Variants in RSPO2 observed in about 807,000 individuals in gnomAD.
RSPO2 encodes the protein R-spondin-2.
In RSPO2, 14 loss-of-function variants were observed where a neutral mutation model predicts 30.9. The ratio of observed to expected loss-of-function variants is 0.45; its 90% CI spans 0.30 to 0.71. The LOEUF is 0.71. Ranked by LOEUF, RSPO2 falls within the 30% of genes least tolerant of loss-of-function variation. RSPO2 has a pLI of 0.08. For synonymous variants in RSPO2, 107 were observed against 96.4 expected (o/e 1.11, Z -0.64); for missense variants, 264 against 301.9 (o/e 0.87, Z 0.93).
chr8:107,963,701 T>C (rs1425284313), intron 3 of RSPO2, among the ~76,000 whole-genome samples: 1 of 152,042 alleles, frequency 6.6e-6, no homozygotes, highest in Non-Finnish European at 1.5e-5. Context: ...TCCTTTATAA[T>C]TACATTTATG....
Position 107,982,965 on chromosome 8 carries a change from A to G in RSPO2, c.283+6091T>C, listed in dbSNP as rs926329993. Among the ~76,000 whole-genome samples the G allele has an allele frequency of 4.6e-5, 7 of 152,104 alleles. No individual in the cohort carries two copies. The East Asian group carries it at 9.7e-4, about 21-fold the overall frequency. ...TGTTTCCAACTTGTAATTAGTATAA[A>G]TAGTGTTGGCTCCCTCAGCGCCTAC... On this transcript the variant is annotated intron_variant, in intron 3 of 5. Coordinates refer to ENST00000276659, the MANE Select transcript of RSPO2 (RefSeq NM_178565.5).
chr8:107,937,151 G>GTTTTTTTTTTTT (rs149136012), intron 5 of RSPO2, among the ~76,000 whole-genome samples: 1 of 107,724 alleles, frequency 9.3e-6, no homozygotes, highest in Non-Finnish European at 2.1e-5. Flanking sequence ...TCCATCTTCA[G>GTTTTTTTTTTTT]TTGTTTTTTT....
intron 5 of RSPO2, among the ~76,000 whole-genome samples, chr8:107,941,518 T>C (rs570068153): frequency 7.8e-4 from 119 of 152,306 alleles, no homozygotes; most frequent in African/African-American, 2.4e-3. Context: ...GCTTCTTCTG[T>C]AAAATCCATT....
At chr8:108,059,600 C>T (rs949393512) in intron 2 of RSPO2, among the ~76,000 whole-genome samples, 5 of 148,638 alleles carry the variant, frequency 3.4e-5, no homozygotes, top group East Asian at 2.0e-4. Flanking sequence ...TTGGAACCAA[C>T]CCAAATGTCC....
At chr8:108,069,981 A>T (rs1275108027) in intron 2 of RSPO2, among the ~76,000 whole-genome samples, 1 of 152,380 alleles carries the variant, frequency 6.6e-6, no homozygotes, top group East Asian at 1.9e-4. Context: ...GGTATAACCC[A>T]TGCTGATTAT....
At chr8:107,951,043 G>GTT (rs767290459) in intron 5 of RSPO2, among the ~76,000 whole-genome samples, 4 of 85,894 alleles carry the variant, frequency 4.7e-5, no homozygotes, top group East Asian at 5.1e-4. Flanking sequence ...GGGAGAATAA[G>GTT]TTTTTTTTTG....
intron 3 of RSPO2, among the ~76,000 whole-genome samples, chr8:107,982,684 A>G (rs1814486443): frequency 6.6e-6 from 1 of 152,174 alleles, no homozygotes. Flanking sequence ...AACCATAGCA[A>G]TCAGAATAGC....
intron 5 of RSPO2, among the ~76,000 whole-genome samples, chr8:107,935,370 C>T (rs1346493811): frequency 6.6e-6 from 1 of 151,970 alleles, no homozygotes; most frequent in Non-Finnish European, 1.5e-5. Flanking sequence ...TAAATATTTA[C>T]CTTAGAATTT....
chr8:108,011,710 G>A lies in RSPO2; in HGVS notation c.95-22466C>T, dbSNP rs529855210. 1.3e-4 allele frequency among the ~76,000 whole-genome samples: 20 copies of A among 152,304 alleles called. No individual in the cohort carries two copies. The South Asian group carries it at 3.7e-3, about 28-fold the overall frequency. On this transcript the variant is annotated intron_variant, in intron 2 of 5. Coordinates refer to ENST00000276659, the MANE Select transcript of RSPO2 (RefSeq NM_178565.5). Reference sequence around the variant, plus strand: ...GAACAAAGTAGAATGTGTGCCGTTTGAACCACATGCATGGAATGTACAAGG... The same window carrying A: ...GAACAAAGTAGAATGTGTGCCGTTTAAACCACATGCATGGAATGTACAAGG...
intron 2 of RSPO2, among the ~76,000 whole-genome samples, chr8:108,061,404 A>T (rs1398153563): frequency 1.3e-5 from 2 of 151,806 alleles, no homozygotes; most frequent in East Asian, 3.9e-4. Context: ...GATAAAACAG[A>T]CTTTAAACCA....
At chr8:107,905,174 C>T (rs1811598313) in intron 5 of RSPO2, among the ~76,000 whole-genome samples, 1 of 152,058 alleles carries the variant, frequency 6.6e-6, no homozygotes, top group Non-Finnish European at 1.5e-5. Flanking sequence ...GCTCTCTTTC[C>T]TCTCACTGGG....
intron 5 of RSPO2, among the ~76,000 whole-genome samples, chr8:107,923,557 C>T (rs370824769): frequency 8.3e-4 from 127 of 152,144 alleles, no homozygotes; most frequent in African/African-American, 2.9e-3. Flanking sequence ...CCCAGCAATC[C>T]CATTACTGGG....
intron 5 of RSPO2, among the ~76,000 whole-genome samples, chr8:107,934,864 T>A (rs1812664878): frequency 2.0e-5 from 3 of 152,230 alleles, no homozygotes. Flanking sequence ...ACTTCCCCAA[T>A]CAATACTCAT....
rs563650414 is a variant in RSPO2, at chr8:108,067,703, C to G, written c.94+14842G>C. On this transcript the variant is annotated intron_variant, in intron 2 of 5. Transcript: ENST00000276659. ...AAGACTAGTTTAAGACACTCTACCACCAGAAGCCATGTATAGTAGGCAATA... is the reference window on the plus strand; with the variant it reads ...AAGACTAGTTTAAGACACTCTACCAGCAGAAGCCATGTATAGTAGGCAATA... Among the ~76,000 whole-genome samples the G allele has an allele frequency of 5.9e-5, 9 of 152,296 alleles. No individual in the cohort carries two copies. The East Asian group carries it at 1.7e-3, about 29-fold the overall frequency.
At chr8:107,951,205 A>C (rs1157406033) in intron 5 of RSPO2, among the ~76,000 whole-genome samples, 1 of 151,904 alleles carries the variant, frequency 6.6e-6, no homozygotes, top group Non-Finnish European at 1.5e-5. Flanking sequence ...ACAGGCATGT[A>C]CCACCACACC....
At chr8:107,939,830 T>C (rs1306289705) in intron 5 of RSPO2, among the ~76,000 whole-genome samples, 1 of 152,124 alleles carries the variant, frequency 6.6e-6, no homozygotes, top group East Asian at 1.9e-4. Context: ...TGGGACTGTC[T>C]GGCAAGTAAA....
intron 5 of RSPO2, among the ~76,000 whole-genome samples, chr8:107,913,175 T>A (rs1811874542): frequency 6.6e-6 from 1 of 152,076 alleles, no homozygotes; most frequent in Non-Finnish European, 1.5e-5. Flanking sequence ...AGAGTTGGGA[T>A]TTGAACTTAT....
At position 108,025,546 on chromosome 8, in the gene RSPO2, G is replaced by T. The variant is rs942245622; in HGVS notation, c.95-36302C>A. Reference sequence around the variant, plus strand: ...TCTTCCTGATTTTTTTATTCTTTGAGATATATCTCATTCTGTCCCTGTGGC... The same window carrying T: ...TCTTCCTGATTTTTTTATTCTTTGATATATATCTCATTCTGTCCCTGTGGC... On this transcript the variant is annotated intron_variant, in intron 2 of 5. Transcript: ENST00000276659. Among the ~76,000 whole-genome samples the T allele has an allele frequency of 5.3e-5, 8 of 152,100 alleles. No homozygotes were observed. The East Asian group carries it at 1.5e-3, about 29-fold the overall frequency.
intron 5 of RSPO2, among the ~76,000 whole-genome samples, chr8:107,941,875 G>A (rs76483651): frequency 0.047 from 7,127 of 152,218 alleles, 306 homozygotes; most frequent in African/African-American, 0.11. Context: ...CATGAAAAGG[G>A]AAAGATTTGA....
Sources: gnomAD v4.1 joint callset for allele counts (sites outside exome capture counted in the v4.1 genomes callset) on GRCh38, gnomAD v4.1.1 for gene constraint, MANE v1.5 for transcripts, NCBI Gene and HGNC (gene_info 2026-07-23, HGNC 2026-07-21) for gene names.